The following ADGRB1 variants were observed in gnomAD, a reference collection of about 807,000 sequenced individuals.
ADGRB1 encodes adhesion G protein-coupled receptor B1.
In ADGRB1, 36 loss-of-function variants were observed where a neutral mutation model predicts 175.7. The ratio of observed to expected loss-of-function variants is 0.20; its 90% confidence interval spans 0.16 to 0.27. The LOEUF (loss-of-function observed/expected upper bound fraction) is 0.27, where lower values mean the gene tolerates loss of function less well. Ranked by LOEUF, ADGRB1 falls within the 10% of genes least tolerant of loss-of-function variation. The pLI, the probability that ADGRB1 is intolerant of heterozygous loss-of-function variation, is 1.00. For missense variants in ADGRB1, 1,731 were observed against 2,255.3 expected (o/e 0.77, Z 4.71); for synonymous variants, 1,054 against 979.4 (o/e 1.08, Z -1.42).
chr8:142,475,632 G>A lies in ADGRB1; in HGVS notation c.943G>A (p.Gly315Ser). The A allele has an allele frequency of 8.1e-7, 1 of 1,230,194 alleles. No individual in the cohort carries two copies. The allele number at this position is 1,230,194 out of a possible 1,614,324, so 76.2% of individuals were successfully genotyped here. A position where few individuals can be genotyped will look rare whatever the true frequency, so the allele number is the denominator to read the frequency against. Residue 315 changes from glycine to serine, a missense_variant, in exon 3 of 31, where the codon GGC becomes AGC. Gly to Ser is a moderately conservative substitution (Grantham distance 56). Transcript: ENST00000517894. ...TCGCCAGTGCAACCGCGAGGCCTGC[G>A]GCCGTGAGTGCGGGCGGGGCGGGGC... is the stretch of plus-strand genomic sequence containing the variant. ...EGRQCNREAC[G>S]PAGRTSSRSQ...
chr8:142,503,509 G>T (rs1842723219), intron 17 of ADGRB1, among the ~76,000 whole-genome samples: 1 of 152,124 alleles, frequency 6.6e-6, no homozygotes, highest in South Asian at 2.1e-4. Context: ...CCCCCTGCCA[G>T]CAGGGGTAGG....
intron 27 of ADGRB1, 114 bp downstream of exon 27, chr8:142,539,527 C>T: frequency 7.1e-6 from 9 of 1,276,100 alleles, no homozygotes; most frequent in South Asian, 1.3e-5. Context: ...TCCTGCTGCC[C>T]CCACCCACAC....
chr8:142,507,076 T>C (rs1386631073), intron 17 of ADGRB1, among the ~76,000 whole-genome samples: 2 of 152,238 alleles, frequency 1.3e-5, no homozygotes, highest in Non-Finnish European at 2.9e-5. Context: ...CTGTGTGAAC[T>C]TGGACAATCG....
In ADGRB1 at chr8:142,501,004, G is replaced by A. The variant is rs536374113; in HGVS notation, c.2676-9928G>A. On this transcript the variant is annotated intron_variant, in intron 17 of 30. Coordinates refer to ENST00000517894, the MANE Select transcript of ADGRB1 (RefSeq NM_001702.3). ...CTGGTTCTGCTTGCACTGCGCCTTG[G>A]ACATGGTGAGCACGGGATAAACACT... Among the ~76,000 whole-genome samples the A allele has an allele frequency of 2.6e-5, 4 of 152,282 alleles. No individual in the cohort carries two copies. The South Asian group carries it at 8.3e-4, about 32-fold the overall frequency.
At chr8:142,526,513 C>A in intron 23 of ADGRB1, 29 bp from the exon 24 acceptor site, 3 of 1,363,500 alleles carry the variant, frequency 2.2e-6, no homozygotes, top group East Asian at 4.9e-5. Flanking sequence ...GCCCCCACCC[C>A]CACACCCCCA....
Position 142,464,880 on chromosome 8 carries a change from C to G in ADGRB1, c.682C>G (p.Leu228Val). Residue 228 changes from leucine to valine, a missense_variant, in exon 2 of 31, where the codon CTG becomes GTG. Physicochemically the swap from Leu to Val is conservative, Grantham distance 32. Around this residue, in one of 8 missense-constraint regions of ADGRB1, gnomAD observed 383 missense variants for 383.1 expected, o/e 1.00. Transcript: ENST00000517894. ...GGCGGGCGGCCCTGCCGCGGGACCC[C>G]TGGCCCCCCGCGGGGATGTCTGCTT... is the stretch of plus-strand genomic sequence containing the variant. ...GEAGGPAAGP[L>V]APRGDVCLRD... 2 of 1,523,772 alleles carry G rather than the reference C, an allele frequency of 1.3e-6. No individual in the cohort carries two copies. The highest frequency in any genetic ancestry group is 1.8e-6 in the Non-Finnish European group (2 of 1,141,142). 94.4% of individuals were successfully genotyped at this position (1,523,772 alleles called of 1,614,324 possible).
intron 2 of ADGRB1, among the ~76,000 whole-genome samples, chr8:142,469,433 A>ATG (rs1840485839): frequency 1.7e-5 from 2 of 116,126 alleles, no homozygotes; most frequent in East Asian, 3.0e-4. Flanking sequence ...GCACGTGTGA[A>ATG]TGAGTGTGTG....
chr8:142,520,307 ATGG>A (rs1276263272), intron 19 of ADGRB1, among the ~76,000 whole-genome samples: 1 of 148,480 alleles, frequency 6.7e-6, no homozygotes, highest in South Asian at 2.2e-4. Context: ...AGTGGTGCTG[ATGG>A]TGGTGATGGC....
In ADGRB1 at chr8:142,465,894, G is replaced by A. The variant is rs1840251213; in HGVS notation, c.784+912G>A. Among the ~76,000 whole-genome samples the A allele has an allele frequency of 2.0e-5, 3 of 152,214 alleles. No individual in the cohort carries two copies. In the South Asian group the frequency reaches 6.2e-4, roughly 32 times the overall value. The stretch of plus-strand genomic sequence containing the variant: ...GCACAGAGGGGCAGGGGCCAGTCCT[G>A]TGGGGCTGCCAGCCTCTGGGACACT... On this transcript the variant is annotated intron_variant, in intron 2 of 30. Transcript: ENST00000517894.
chr8:142,498,770 A>G (rs941320831), intron 17 of ADGRB1, among the ~76,000 whole-genome samples: 3 of 151,698 alleles, frequency 2.0e-5, no homozygotes, highest in African/African-American at 7.3e-5. Context: ...CCCTGCCCAC[A>G]CTACCCCTCC....
intron 24 of ADGRB1, among the ~76,000 whole-genome samples, chr8:142,531,817 GAGGAGGAAGAGAGTCC>G (rs1844638266): frequency 2.6e-5 from 4 of 152,322 alleles, no homozygotes; most frequent in South Asian, 4.1e-4. Flanking sequence ...GGATGGAGGA[GAGGAGGAAGAGAGTCC>G]AGGAGGCAGG....
chr8:142,485,532 G>A (rs973022932), intron 13 of ADGRB1, among the ~76,000 whole-genome samples: 6 of 152,164 alleles, frequency 3.9e-5, no homozygotes, highest in Non-Finnish European at 2.9e-5. Context: ...CTCTACAAAT[G>A]TTTTTTAAAA....
intron 17 of ADGRB1, among the ~76,000 whole-genome samples, chr8:142,508,571 T>C (rs373923862): frequency 2.0e-5 from 3 of 152,234 alleles, no homozygotes; most frequent in East Asian, 3.8e-4. Context: ...AGGGTCTCTC[T>C]GCCCCAGGTC....
At chr8:142,456,957 G>A (rs954077522) in intron 1 of ADGRB1, among the ~76,000 whole-genome samples, 1 of 152,254 alleles carries the variant, frequency 6.6e-6, no homozygotes, top group African/African-American at 2.4e-5. Flanking sequence ...AGGCAAGGTA[G>A]CCCTCCTCAC....
At chr8:142,525,222 TC>T (rs1844104866) in intron 23 of ADGRB1, among the ~76,000 whole-genome samples, 1 of 151,818 alleles carries the variant, frequency 6.6e-6, no homozygotes, top group African/African-American at 2.4e-5. Flanking sequence ...CCCAGACCCC[TC>T]CCCACAGCCC....
At chr8:142,534,577 A>G (rs550567739) in intron 25 of ADGRB1, among the ~76,000 whole-genome samples, 210 of 152,312 alleles carry the variant, frequency 1.4e-3, no homozygotes, top group Middle Eastern at 6.8e-3. Flanking sequence ...CAAGAGGAGG[A>G]AGAGCCAGAG....
At chr8:142,535,160 T>A (rs1434163221) in intron 25 of ADGRB1, among the ~76,000 whole-genome samples, 1 of 152,084 alleles carries the variant, frequency 6.6e-6, no homozygotes, top group Admixed American at 6.5e-5. Context: ...TTGGAGAGAT[T>A]TCTCAAACAA....
Position 142,510,224 on chromosome 8 carries a change from C to A in ADGRB1, c.2676-708C>A, listed in dbSNP as rs2132033975. ...CTTAAATGCGTGCTCAGATGAAAAG[C>A]GGGGCAGTCGCGGCCCGTAGACAGC... is the stretch of plus-strand genomic sequence containing the variant. On this transcript the variant is annotated intron_variant, in intron 17 of 30. Transcript: ENST00000517894. This position sits in a 1 kb window ranked among gnomAD's most constrained non-coding sequence, Gnocchi z 6.3. Among the ~76,000 whole-genome samples the A allele has an allele frequency of 6.6e-6, 1 of 152,204 alleles. No homozygotes were observed. Among genetic ancestry groups the A allele is most frequent in the Non-Finnish European group, 1.5e-5 (1 of 67,994 alleles).
chr8:142,521,905 G>A, intron 20 of ADGRB1, 60 bp from the exon 21 acceptor site: 1 of 1,526,678 alleles, frequency 6.6e-7, no homozygotes, highest in South Asian at 1.2e-5. Flanking sequence ...GCACTCAGTG[G>A]GGACAGGTGT....
Sources: allele counts gnomAD v4.1 joint callset (sites outside exome capture counted in the v4.1 genomes callset), GRCh38; gene constraint gnomAD v4.1.1; regional missense constraint gnomAD v4.1.1; non-coding constraint Gnocchi (gnomAD v3.1); transcripts MANE v1.5; gene names NCBI Gene and HGNC (gene_info 2026-07-23, HGNC 2026-07-21).